The following BCAS3 variants were observed in gnomAD, a reference collection of about 807,000 sequenced individuals.
BCAS3 encodes the protein BCAS3 microtubule associated cell migration factor.
A neutral mutation model predicts 116.1 loss-of-function variants in BCAS3; 53 were observed. The ratio of observed to expected loss-of-function variants is 0.46; its 90% confidence interval spans 0.37 to 0.57. The LOEUF (loss-of-function observed/expected upper bound fraction) is 0.57, where lower values mean the gene tolerates loss of function less well. Ranked by LOEUF, BCAS3 falls within the 20% of genes least tolerant of loss-of-function variation. BCAS3 has a pLI of 0.00. For missense variants in BCAS3, 917 were observed against 1,165.4 expected (o/e 0.79, Z 3.10); for synonymous variants, 391 against 408.2 (o/e 0.96, Z 0.51).
rs148953004 is a variant in BCAS3, at chr17:61,377,540, T to C, written c.2593+9046T>C. Among the ~76,000 whole-genome samples the C allele has an allele frequency of 2.3e-4, 35 of 152,304 alleles. No individual in the cohort carries two copies. The highest frequency in any genetic ancestry group is 4.4e-4 in the Non-Finnish European group (30 of 68,012). ...GGGATTTGAAGCCCTCATCAAGCAA[T>C]GGGGTAAACCTGTGACCCTGGGCAA... On this transcript the variant is annotated intron_variant, in intron 23 of 23. Transcript: ENST00000407086. This position sits in a 1 kb window ranked among gnomAD's most constrained non-coding sequence, Gnocchi z 4.6.
chr17:60,825,857 GTTTT>G (rs770293138), intron 7 of BCAS3, among the ~76,000 whole-genome samples: 1 of 130,082 alleles, frequency 7.7e-6, no homozygotes, highest in Non-Finnish European at 1.6e-5. Context: ...TGGGGATTCA[GTTTT>G]TTTTTTTTTT....
chr17:61,377,044 G>A lies in BCAS3; in HGVS notation c.2593+8550G>A, dbSNP rs541529127. ...AGGAGGCCACAATACTGAACGGTGG[G>A]TCTGTTTCTCTCTGACTTCTACCCC... On this transcript the variant is annotated intron_variant, in intron 23 of 23. Transcript: ENST00000407086. This position sits in a 1 kb window ranked among gnomAD's most constrained non-coding sequence, Gnocchi z 4.6. Among the ~76,000 whole-genome samples, 21 of 152,298 alleles carry A rather than the reference G, an allele frequency of 1.4e-4. No individual in the cohort carries two copies. The highest frequency in any genetic ancestry group is 5.1e-4 in the African/African-American group (21 of 41,566).
rs554052770 is a variant in BCAS3, at chr17:61,328,874, C to T, written c.2426-39453C>T. On this transcript the variant is annotated intron_variant, in intron 22 of 23. Transcript: ENST00000407086. ...CTTTCTGTGCCTTCACATGGCAGAG[C>T]ATGAAGACGCAGGCTCTTTTTTTTT... 2.7e-4 allele frequency among the ~76,000 whole-genome samples: 40 copies of T among 150,124 alleles called. 2 individuals are homozygous for T. The South Asian group carries it at 8.4e-3, about 32-fold the overall frequency.
rs1351513989 is a variant in BCAS3 at position 60,961,241 on chromosome 17, A to G, written c.1221+13889A>G. On this transcript the variant is annotated intron_variant, in intron 14 of 23. Transcript: ENST00000407086. This position sits in a 1 kb window ranked among gnomAD's most constrained non-coding sequence, Gnocchi z 4.8. ...TTTGTCATTTAGCTATGATGGAATG[A>G]TAGGAACTGGATTAAACCTCTGTAT... 6.6e-6 allele frequency among the ~76,000 whole-genome samples: 1 copy of G among 152,200 alleles called. No homozygotes were observed. The highest frequency in any genetic ancestry group is 1.5e-5 in the Non-Finnish European group (1 of 68,038).
At chr17:60,919,008 T>C (rs1462771202) in intron 12 of BCAS3, among the ~76,000 whole-genome samples, 1 of 152,124 alleles carries the variant, frequency 6.6e-6, no homozygotes, top group Non-Finnish European at 1.5e-5. Flanking sequence ...TGTATTTTTA[T>C]GTCATTCATT....
chr17:60,992,695 C>T (rs1435010201), intron 15 of BCAS3, among the ~76,000 whole-genome samples: 1 of 151,920 alleles, frequency 6.6e-6, no homozygotes, highest in Non-Finnish European at 1.5e-5. Context: ...AAAAACAATG[C>T]TTATATTTCA....
chr17:61,092,885 ATCTTT>A (rs1159398242), intron 22 of BCAS3, among the ~76,000 whole-genome samples: 1 of 146,932 alleles, frequency 6.8e-6, no homozygotes, highest in African/African-American at 2.5e-5. Flanking sequence ...AACAAAAAAA[ATCTTT>A]TGTCCAGTCT....
intron 5 of BCAS3, among the ~76,000 whole-genome samples, chr17:60,727,810 CTTT>C (rs756342642): frequency 1.6e-4 from 22 of 139,638 alleles, no homozygotes; most frequent in Non-Finnish European, 1.7e-4. Context: ...TACTTTTTTC[CTTT>C]TTTTTTTTTT....
intron 15 of BCAS3, among the ~76,000 whole-genome samples, chr17:60,997,468 C>T (rs1481428163): frequency 6.6e-6 from 1 of 152,082 alleles, no homozygotes; most frequent in East Asian, 1.9e-4. Flanking sequence ...CTTCTTTTAT[C>T]ATAAGGAAAT....
At chr17:61,114,175 G>A (rs2075276992) in intron 22 of BCAS3, among the ~76,000 whole-genome samples, 1 of 130,614 alleles carries the variant, frequency 7.7e-6, no homozygotes, top group African/African-American at 2.8e-5. Flanking sequence ...TTGAAAACTG[G>A]CACAAGACAG....
At chr17:60,831,898 ACTTT>A (rs971951929) in intron 7 of BCAS3, among the ~76,000 whole-genome samples, 41 of 152,186 alleles carry the variant, frequency 2.7e-4, no homozygotes, top group African/African-American at 9.6e-4. Context: ...AGTCTTTTTC[ACTTT>A]CTTGAAAAAT....
In BCAS3 at chr17:61,124,445, C is replaced by G. The variant is rs547088945; in HGVS notation, c.2425+39881C>G. ...TTGTTAACTACATTCTATTGTAGAA[C>G]TGTTCTTATTTTTAAGATCGTAGAG... On this transcript the variant is annotated intron_variant, in intron 22 of 23. Transcript: ENST00000407086. This position sits in a 1 kb window ranked among gnomAD's most constrained non-coding sequence, Gnocchi z 4.6. 6.6e-6 allele frequency among the ~76,000 whole-genome samples: 1 copy of G among 152,066 alleles called. No homozygotes were observed. The highest frequency in any genetic ancestry group is 1.5e-5 in the Non-Finnish European group (1 of 67,980).
At position 61,205,932 on chromosome 17, in the gene BCAS3, T is replaced by C. The variant is rs1215183997; in HGVS notation, c.2425+121368T>C. Reference sequence around the variant, plus strand: ...TTTGCTTAGTTAGGAAGATAATTTATGTCCCCAAAGCTCTTTCAGTGATCT... The same window carrying C: ...TTTGCTTAGTTAGGAAGATAATTTACGTCCCCAAAGCTCTTTCAGTGATCT... On this transcript the variant is annotated intron_variant, in intron 22 of 23. Coordinates refer to ENST00000407086, the MANE Select transcript of BCAS3 (RefSeq NM_017679.5). This position sits in a 1 kb window ranked among gnomAD's most constrained non-coding sequence, Gnocchi z 5.2. Among the ~76,000 whole-genome samples the C allele has an allele frequency of 1.3e-5, 2 of 152,230 alleles. No homozygotes were observed. Among genetic ancestry groups the C allele is most frequent in the East Asian group, 3.8e-4 (2 of 5,200 alleles).
In BCAS3 at chr17:60,824,997, C is replaced by T. The variant is rs184167081; in HGVS notation, c.476+16921C>T. Among the ~76,000 whole-genome samples the T allele has an allele frequency of 2.0e-3, 302 of 152,144 alleles. 2 individuals are homozygous for T. Among genetic ancestry groups the T allele is most frequent in the African/African-American group, 6.8e-3 (283 of 41,496 alleles). ...CCTAGGCAACATGGTGAAACCCTGT[C>T]TCTACAAAAAATACAAAAATGAGCT... On this transcript the variant is annotated intron_variant, in intron 7 of 23. Transcript: ENST00000407086.
At chr17:61,069,847 A>AG (rs768856862) in intron 19 of BCAS3, 1 of 860,548 alleles carries the variant, frequency 1.2e-6, no homozygotes, top group Non-Finnish European at 1.9e-6. Context: ...AAAAAAAAAA[A>AG]AAAAAAAAGA....
At chr17:61,060,697 T>G (rs2069926024) in intron 19 of BCAS3, among the ~76,000 whole-genome samples, 1 of 152,238 alleles carries the variant, frequency 6.6e-6, no homozygotes, top group African/African-American at 2.4e-5. Flanking sequence ...ACGTACATAG[T>G]ACACAGTTAG....
At chr17:61,319,540 A>G (rs1314159387) in intron 22 of BCAS3, among the ~76,000 whole-genome samples, 1 of 149,434 alleles carries the variant, frequency 6.7e-6, no homozygotes, top group African/African-American at 2.5e-5. Flanking sequence ...ATTTTTATAC[A>G]TTTGCTTGAT....
chr17:61,029,562 A>C lies in BCAS3; in HGVS notation c.1638-5104A>C, dbSNP rs537354167. Among the ~76,000 whole-genome samples the C allele has an allele frequency of 6.6e-6, 1 of 152,090 alleles. No homozygotes were observed. Among genetic ancestry groups the C allele is most frequent in the Admixed American group, 6.6e-5 (1 of 15,254 alleles). On this transcript the variant is annotated intron_variant, in intron 16 of 23. Coordinates refer to ENST00000407086, the MANE Select transcript of BCAS3 (RefSeq NM_017679.5). This position sits in a 1 kb window ranked among gnomAD's most constrained non-coding sequence, Gnocchi z 5.2. ...TTTTTGAATCTGAATTTTGCTTTCA[A>C]TATTACAAATAAATAGGAATGTATC...
At chr17:60,946,006 G>A (rs2060472608) in intron 13 of BCAS3, among the ~76,000 whole-genome samples, 1 of 152,068 alleles carries the variant, frequency 6.6e-6, no homozygotes, top group Admixed American at 6.5e-5. Flanking sequence ...TGTAGTCCCA[G>A]CTACTTGGGA....
Sources: gnomAD v4.1 joint callset for allele counts (sites outside exome capture counted in the v4.1 genomes callset) on GRCh38, gnomAD v4.1.1 for gene constraint, Gnocchi (gnomAD v3.1) non-coding constraint, MANE v1.5 for transcripts, NCBI Gene and HGNC (gene_info 2026-07-23, HGNC 2026-07-21) for gene names.